ZNF560: variants seen among roughly 807,000 people sequenced by gnomAD.
ZNF560 encodes the protein zinc finger protein 560.
In ZNF560, 54 loss-of-function variants were observed where a neutral mutation model predicts 81.8. The ratio of observed to expected loss-of-function variants is 0.66; its 90% CI spans 0.53 to 0.83. The LOEUF is 0.83. Ranked by LOEUF, ZNF560 falls within the 40% of genes least tolerant of loss-of-function variation. The pLI is 0.00. For missense variants in ZNF560, 940 were observed against 932.4 expected, an observed-to-expected ratio of 1.01 and a Z score of -0.11; for synonymous variants, 321 against 317.9, an observed-to-expected ratio of 1.01 and a Z score of -0.10.
At chr19:9,476,218 T>C (rs2073199943) in intron 2 of ZNF560, among the ~76,000 whole-genome samples, 1 of 152,072 alleles carries the variant, frequency 6.6e-6, no homozygotes, top group Non-Finnish European at 1.5e-5. Flanking sequence ...GGTGATTGGA[T>C]CATGGGGGCA....
At chr19:9,473,769 C>T (rs1488708640) in intron 4 of ZNF560, among the ~76,000 whole-genome samples, 1 of 151,936 alleles carries the variant, frequency 6.6e-6, no homozygotes, top group Non-Finnish European at 1.5e-5. Flanking sequence ...TGCACATTTA[C>T]AAAGCAATAA....
At chr19:9,501,390 C>T (rs112908147), upstream of ZNF560, among the ~76,000 whole-genome samples, 6,144 of 142,238 alleles carry the variant, frequency 0.043, 512 homozygotes, top group African/African-American at 0.15. Flanking sequence ...TGGAGTGTTG[C>T]TCTTGTTGCC....
intron 2 of ZNF560, among the ~76,000 whole-genome samples, chr19:9,485,959 C>A (rs918550049): frequency 5.3e-5 from 8 of 152,204 alleles, no homozygotes; most frequent in African/African-American, 1.7e-4. Flanking sequence ...CCATGAAAGG[C>A]ATCTGCCATA....
downstream of ZNF560, among the ~76,000 whole-genome samples, chr19:9,464,278 C>G (rs747310040): frequency 1.1e-4 from 16 of 152,038 alleles, no homozygotes; most frequent in Non-Finnish European, 1.8e-4. Context: ...AAAATGAAAC[C>G]CCAGAAATAG....
At chr19:9,491,164 G>A (rs2073466672) in intron 2 of ZNF560, among the ~76,000 whole-genome samples, 1 of 152,162 alleles carries the variant, frequency 6.6e-6, no homozygotes, top group Non-Finnish European at 1.5e-5. Flanking sequence ...CCAGGCTGGA[G>A]TGCAGTGGTG....
chr19:9,447,216 A>C, the ZNF560 span, among the ~76,000 whole-genome samples: 1 of 152,176 alleles, frequency 6.6e-6, no homozygotes, highest in Non-Finnish European at 1.5e-5. Flanking sequence ...CAGCCATAAC[A>C]AAATTAATTC....
chr19:9,466,464 A>G lies in ZNF560; in HGVS notation c.*110T>C. The G allele has an allele frequency of 8.9e-6, 9 of 1,013,824 alleles. No individual in the cohort carries two copies. The highest frequency in any genetic ancestry group is 1.3e-5 in the Non-Finnish European group (9 of 689,432). The allele number at this position is 1,013,824 out of a possible 1,614,324, so 62.8% of individuals were successfully genotyped here. A position where few individuals can be genotyped will look rare whatever the true frequency, so the allele number is the denominator to read the frequency against. ...GATTCAACTGTTCAGGCTTTCTCAC[A>G]TTCCTTACATTGATAGTGTTACTTT... is the stretch of plus-strand genomic sequence containing the variant. On this transcript the variant is annotated 3_prime_UTR_variant, in exon 10 of 10. Transcript: ENST00000301480.
rs746599687 is a variant in ZNF560 at position 9,469,109 on chromosome 19, T to C, written c.608A>G (p.Gln203Arg). ...NFCLKTLNGI[Q>R]LARNQNGEEL... ...AAGTTCTTTTGTTAATCTTACCAAC[T>C]GTATCCCATTTAATGTTTTTAAACA... Residue 203 changes from glutamine (Q) to arginine (R), a missense_variant, in exon 9 of 10, where the codon CAG (glutamine) becomes CGG (arginine). By Grantham distance (43) the Gln-to-Arg change is conservative. Coordinates refer to ENST00000301480, the MANE Select transcript of ZNF560 (RefSeq NM_152476.3). 4 of 1,588,472 alleles carry C rather than the reference T, an allele frequency of 2.5e-6. No individual in the cohort carries two copies. The African/African-American group carries it at 5.4e-5, about 21-fold the overall frequency.
intron 2 of ZNF560, among the ~76,000 whole-genome samples, chr19:9,497,597 C>CA (rs2073582513): frequency 6.6e-6 from 1 of 150,906 alleles, no homozygotes; most frequent in South Asian, 2.1e-4. Context: ...CATTGACTCT[C>CA]AAACTGTTCA....
At chr19:9,472,100 A>C (rs561706625) in intron 5 of ZNF560, among the ~76,000 whole-genome samples, 1 of 131,934 alleles carries the variant, frequency 7.6e-6, no homozygotes, top group South Asian at 2.8e-4. Flanking sequence ...ACAGAGTGAG[A>C]CTCCGTCTCA....
intron 9 of ZNF560, 38 bp from the exon 10 acceptor site, chr19:9,468,372 A>G: frequency 2.0e-6 from 3 of 1,479,130 alleles, no homozygotes; most frequent in Non-Finnish European, 1.8e-6. Flanking sequence ...GAAGCATTTT[A>G]GCAGACTTAT....
At chr19:9,484,825 T>C (rs1172770242) in intron 2 of ZNF560, among the ~76,000 whole-genome samples, 3 of 146,146 alleles carry the variant, frequency 2.1e-5, no homozygotes, top group African/African-American at 7.7e-5. Flanking sequence ...AAATTAAGCC[T>C]TTAAAAAATA....
At chr19:9,484,838 A>G (rs2073359823) in intron 2 of ZNF560, among the ~76,000 whole-genome samples, 1 of 145,674 alleles carries the variant, frequency 6.9e-6, no homozygotes, top group Non-Finnish European at 1.5e-5. Context: ...AAAAAATAAA[A>G]AAAAGAAAAA....
Position 9,466,438 on chromosome 19 carries a change from A to G in ZNF560, c.*136T>C. The G allele has an allele frequency of 1.3e-6, 1 of 766,740 alleles. No individual in the cohort carries two copies. 47.5% of individuals were successfully genotyped at this position (766,740 alleles called of 1,614,324 possible). ...AGTGTGAGTTTGTACATATCTAGAA[A>G]GATTCAACTGTTCAGGCTTTCTCAC... On this transcript the variant is annotated 3_prime_UTR_variant, in exon 10 of 10. Coordinates refer to ENST00000301480, the MANE Select transcript of ZNF560 (RefSeq NM_152476.3).
chr19:9,459,152 G>C, the ZNF560 span, among the ~76,000 whole-genome samples: 23 of 152,168 alleles, frequency 1.5e-4, no homozygotes, highest in Non-Finnish European at 3.1e-4. Flanking sequence ...AAGCTATAGT[G>C]GAAAGAATGA....
chr19:9,503,715 TTTTTGTAG>T, the ZNF560 span, among the ~76,000 whole-genome samples: 1 of 151,896 alleles, frequency 6.6e-6, no homozygotes, highest in African/African-American at 2.4e-5. Context: ...TTTAGAAAAT[TTTTTGTAG>T]AGACAGGGGT....
intron 3 of ZNF560, 49 bp from the exon 4 acceptor site, chr19:9,474,374 G>C (rs1199475249): frequency 2.6e-6 from 4 of 1,568,100 alleles, no homozygotes; most frequent in Non-Finnish European, 3.5e-6. Context: ...AGATTAACCA[G>C]TGTTCACTGA....
upstream of ZNF560, among the ~76,000 whole-genome samples, chr19:9,500,345 G>T (rs2073622790): frequency 7.1e-6 from 1 of 140,302 alleles, no homozygotes; most frequent in Non-Finnish European, 1.5e-5. Flanking sequence ...AGTGAGTGGA[G>T]ATGGCTCCAT....
chr19:9,494,692 C>T (rs1599683592), intron 2 of ZNF560, among the ~76,000 whole-genome samples: 1 of 151,888 alleles, frequency 6.6e-6, no homozygotes, highest in Non-Finnish European at 1.5e-5. Context: ...GCCAAGATCA[C>T]GCCACTGCAC....
Sources: gnomAD v4.1 joint callset for allele counts (sites outside exome capture counted in the v4.1 genomes callset) on GRCh38, gnomAD v4.1.1 for gene constraint, MANE v1.5 for transcripts, NCBI Gene and HGNC (gene_info 2026-07-23, HGNC 2026-07-21) for gene names.